Variants in NEK10 observed in about 807,000 individuals in gnomAD.
NEK10 encodes the protein serine/threonine-protein kinase Nek10.
In NEK10, 122 loss-of-function variants were observed where a neutral mutation model predicts 159.8. That is an observed-to-expected ratio of 0.76 (90% CI 0.66 to 0.89). The LOEUF (loss-of-function observed/expected upper bound fraction) is 0.89, where lower values mean the gene tolerates loss of function less well. NEK10 is among the 40% of genes least tolerant of loss of function. The pLI is 0.00. For synonymous variants in NEK10, 466 were observed against 457.1 expected (o/e 1.02, Z -0.25); for missense variants, 1,342 against 1,323.1 (o/e 1.01, Z -0.22).
intron 8 of NEK10, 128 bp from the exon 9 acceptor site, chr3:27,311,144 A>G (rs1162885424): frequency 3.7e-6 from 2 of 546,286 alleles, no homozygotes; most frequent in African/African-American, 1.9e-5. Context: ...CAAAAGGAAC[A>G]ACAGATGCAG....
At chr3:27,332,609 A>G (rs1350840449) in intron 5 of NEK10, among the ~76,000 whole-genome samples, 13 of 152,250 alleles carry the variant, frequency 8.5e-5, no homozygotes, top group Admixed American at 5.2e-4. Flanking sequence ...TTTCACAAAT[A>G]CATAATATTT....
At chr3:27,175,051 G>A (rs1401392386) in intron 26 of NEK10, among the ~76,000 whole-genome samples, 2 of 152,154 alleles carry the variant, frequency 1.3e-5, no homozygotes, top group Admixed American at 6.5e-5. Context: ...GATCAAAAAG[G>A]ATGGAAGTGG....
intron 35 of NEK10, among the ~76,000 whole-genome samples, chr3:27,112,146 T>TTATGCCA (rs1387390434): frequency 5.9e-5 from 9 of 152,284 alleles, no homozygotes; most frequent in African/African-American, 1.9e-4. Context: ...CCTGAGACAT[T>TTATGCCA]CTTCCTAACT....
intron 22 of NEK10, among the ~76,000 whole-genome samples, chr3:27,283,405 G>C (rs193024094): frequency 4.5e-4 from 69 of 152,134 alleles, no homozygotes; most frequent in African/African-American, 1.6e-3. Context: ...TGTAGATTTT[G>C]TTATTTACTA....
Position 27,192,180 on chromosome 3 carries a change from T to G in NEK10, c.2354A>C (p.Asp785Ala). The G allele has an allele frequency of 6.2e-7, 1 of 1,614,166 alleles. No homozygotes were observed. ...DIVEVSSMISDVMMKYLDNLS... is the reference protein window; with the variant it reads ...DIVEVSSMISAVMMKYLDNLS... ...GTTGTCTAAATATTTCATCATGACA[T>G]CTGATATCATCGAACTGACTTCTAC... The change falls in exon 26 of 36, where the codon GAT (aspartate) becomes GCT (alanine). Residue 785 changes from aspartate to alanine, a missense_variant. Asp to Ala is a moderately radical substitution (Grantham distance 126, BLOSUM62 -2). Coordinates refer to ENST00000691995, the MANE Select transcript of NEK10 (RefSeq NM_001394966.1).
intron 32 of NEK10, among the ~76,000 whole-genome samples, chr3:27,122,033 C>T (rs1941387959): frequency 6.6e-6 from 1 of 151,986 alleles, no homozygotes; most frequent in African/African-American, 2.4e-5. Flanking sequence ...TTGTGGGTTT[C>T]CTAGTCTCCA....
intron 31 of NEK10, among the ~76,000 whole-genome samples, chr3:27,136,166 GCAGTGGCGCCATCTCATCT>G (rs1943185318): frequency 7.4e-6 from 1 of 134,698 alleles, no homozygotes; most frequent in East Asian, 2.3e-4. Context: ...AGGCTGGAGT[GCAGTGGCGCCATCTCATCT>G]CACTGCAAGC....
At chr3:27,304,686 T>A (rs1034297232) in intron 12 of NEK10, 61 bp downstream of exon 12, 1 of 1,067,146 alleles carries the variant, frequency 9.4e-7, no homozygotes, top group African/African-American at 1.6e-5. Flanking sequence ...TGCCATCTTG[T>A]CACAGAGTCC....
chr3:27,205,674 G>A (rs1176255474), intron 23 of NEK10, among the ~76,000 whole-genome samples: 1 of 138,206 alleles, frequency 7.2e-6, no homozygotes, highest in Non-Finnish European at 1.5e-5. Context: ...GCTGAAACTG[G>A]ATCCCTTCCT....
intron 29 of NEK10, among the ~76,000 whole-genome samples, chr3:27,163,809 T>C (rs1262050416): frequency 6.6e-6 from 1 of 152,232 alleles, no homozygotes; most frequent in African/African-American, 2.4e-5. Flanking sequence ...TAAGTAGGAA[T>C]AAATATAGGA....
intron 1 of NEK10, among the ~76,000 whole-genome samples, 164 bp from the exon 2 acceptor site, chr3:27,353,083 T>C (rs2048085352): frequency 6.6e-6 from 1 of 152,182 alleles, no homozygotes; most frequent in Non-Finnish European, 1.5e-5. Flanking sequence ...CACTTACTAT[T>C]TATCATTCAA....
At chr3:27,189,440 C>T (rs1209535226) in intron 26 of NEK10, among the ~76,000 whole-genome samples, 3 of 151,950 alleles carry the variant, frequency 2.0e-5, no homozygotes, top group Non-Finnish European at 4.4e-5. Context: ...TCATAAAGTT[C>T]TACTGAACCC....
At chr3:27,174,091 A>T (rs762735826) in intron 28 of NEK10, among the ~76,000 whole-genome samples, 36 of 152,208 alleles carry the variant, frequency 2.4e-4, no homozygotes, top group Admixed American at 2.6e-4. Context: ...TTTCTTCTAC[A>T]GGCTTTGAAT....
chr3:27,298,554 A>T (rs1166497547), intron 13 of NEK10, among the ~76,000 whole-genome samples: 1 of 152,214 alleles, frequency 6.6e-6, no homozygotes, highest in African/African-American at 2.4e-5. Context: ...TGCTGAAAAG[A>T]TAACAGAAAT....
At chr3:27,335,271 T>G (rs2046715695) in intron 5 of NEK10, among the ~76,000 whole-genome samples, 1 of 149,974 alleles carries the variant, frequency 6.7e-6, no homozygotes, top group East Asian at 2.0e-4. Flanking sequence ...ACCTGGGAGT[T>G]GGAGGTTGCA....
At chr3:27,230,917 G>A (rs1953185322) in intron 23 of NEK10, among the ~76,000 whole-genome samples, 1 of 151,864 alleles carries the variant, frequency 6.6e-6, no homozygotes, top group Admixed American at 6.6e-5. Flanking sequence ...CAACTCAATG[G>A]TAGTGGGGGA....
intron 32 of NEK10, among the ~76,000 whole-genome samples, chr3:27,125,713 G>A (rs188548808): frequency 1.3e-5 from 2 of 152,136 alleles, no homozygotes; most frequent in East Asian, 3.9e-4. Context: ...CCCATCACTG[G>A]CTCCACCACA....
At chr3:27,176,609 C>T (rs1035970374) in intron 26 of NEK10, among the ~76,000 whole-genome samples, 2 of 152,198 alleles carry the variant, frequency 1.3e-5, no homozygotes, top group Admixed American at 6.5e-5. Flanking sequence ...TTTTCTTCGT[C>T]CCAAACCACA....
chr3:27,197,644 T>A (rs1382339143), intron 25 of NEK10, among the ~76,000 whole-genome samples: 1 of 152,172 alleles, frequency 6.6e-6, no homozygotes, highest in African/African-American at 2.4e-5. Flanking sequence ...GCTGAAGTTG[T>A]TTATAAGCTT....
Sources: allele counts gnomAD v4.1 joint callset (sites outside exome capture counted in the v4.1 genomes callset), GRCh38; gene constraint gnomAD v4.1.1; transcripts MANE v1.5; gene names NCBI Gene and HGNC (gene_info 2026-07-23, HGNC 2026-07-21).